Variants in FUT8 observed in about 807,000 individuals in gnomAD.
The protein encoded by FUT8 is fucosyltransferase 8, also known as alpha-(1,6)-fucosyltransferase.
FUT8 carries 29 observed loss-of-function variants against 71.3 expected under a neutral mutation model. The observed-to-expected ratio is 0.41, with a 90% CI of 0.30 to 0.55. The LOEUF is 0.55. Ranked by LOEUF, FUT8 falls within the 20% of genes least tolerant of loss-of-function variation. The pLI, the probability that FUT8 is intolerant of heterozygous loss-of-function variation, is 0.34. For synonymous variants in FUT8, 254 were observed against 239.3 expected, an observed-to-expected ratio of 1.06 and a Z score of -0.57; for missense variants, 544 against 702.1, an observed-to-expected ratio of 0.77 and a Z score of 2.55.
chr14:65,615,255 A>C (rs1316214005), intron 3 of FUT8, among the ~76,000 whole-genome samples: 23 of 151,986 alleles, frequency 1.5e-4, no homozygotes, highest in Admixed American at 1.5e-3. Context: ...GCAGGCACAC[A>C]CCACCATGTG....
intron 2 of FUT8, among the ~76,000 whole-genome samples, chr14:65,492,017 T>C (rs372340254): frequency 6.6e-6 from 1 of 152,158 alleles, no homozygotes; most frequent in East Asian, 1.9e-4. Context: ...ATTTTGCTTA[T>C]GAAGACATTA....
At chr14:65,536,540 T>C (rs1445307500) in intron 2 of FUT8, among the ~76,000 whole-genome samples, 1 of 152,190 alleles carries the variant, frequency 6.6e-6, no homozygotes, top group Non-Finnish European at 1.5e-5. Flanking sequence ...ATGAAGTTCT[T>C]GGTTGGAATA....
intron 3 of FUT8, among the ~76,000 whole-genome samples, chr14:65,581,583 A>G (rs780997369): frequency 2.0e-5 from 3 of 152,148 alleles, no homozygotes; most frequent in Non-Finnish European, 4.4e-5. Context: ...GAGCCTTGAA[A>G]GAAGAATGTA....
chr14:65,602,343 TCACACACACACACACACACA>T lies in FUT8; in HGVS notation c.204-13594_204-13575del, dbSNP rs1163052408. Among the ~76,000 whole-genome samples, 92 of 48,498 alleles carry T rather than the reference TCACACACACACACACACACA, an allele frequency of 1.9e-3. 1 individual carries two copies. The highest frequency in any genetic ancestry group is 8.1e-3 in the East Asian group (7 of 862). The allele number at this position is 48,498 out of a possible 152,430, so 31.8% of individuals were successfully genotyped here. A position where few individuals can be genotyped will look rare whatever the true frequency, so the allele number is the denominator to read the frequency against. On this transcript the variant is annotated intron_variant, in intron 3 of 10. Coordinates refer to ENST00000673929, the MANE Select transcript of FUT8 (RefSeq NM_001371533.1). ...TCATGGCCGAGTAGCGTTCCATCTC[TCACACACACACACACACACA>T]CACACACACACACACACACACACAC...
At chr14:65,475,564 C>A (rs1594674589) in intron 2 of FUT8, among the ~76,000 whole-genome samples, 1 of 151,994 alleles carries the variant, frequency 6.6e-6, no homozygotes, top group Admixed American at 6.6e-5. Flanking sequence ...CATAGTGAGA[C>A]CCTGTCTCTA....
chr14:65,679,129 C>A (rs1242619943), intron 7 of FUT8, among the ~76,000 whole-genome samples: 1 of 152,156 alleles, frequency 6.6e-6, no homozygotes, highest in Admixed American at 6.5e-5. Context: ...TTCTTTGCTG[C>A]CACTGCCCAT....
chr14:65,387,544 C>T, the FUT8 span, among the ~76,000 whole-genome samples: 1,285 of 152,290 alleles, frequency 8.4e-3, 17 homozygotes, highest in African/African-American at 0.03. Context: ...ATCTACCCTA[C>T]GAATTCAAAA....
chr14:65,670,753 T>A (rs928152972), intron 7 of FUT8, among the ~76,000 whole-genome samples: 2 of 152,184 alleles, frequency 1.3e-5, no homozygotes, highest in Non-Finnish European at 2.9e-5. Flanking sequence ...TCTGACTCTT[T>A]GCAGAAGTGT....
chr14:65,401,402 A>G, the FUT8 span, among the ~76,000 whole-genome samples: 8 of 152,246 alleles, frequency 5.3e-5, no homozygotes, highest in African/African-American at 1.9e-4. Flanking sequence ...AGTTTGGACC[A>G]AAGTAACACC....
intron 5 of FUT8, among the ~76,000 whole-genome samples, chr14:65,619,223 C>A (rs950998420): frequency 6.6e-6 from 1 of 152,330 alleles, no homozygotes; most frequent in East Asian, 1.9e-4. Flanking sequence ...TTGAGAACTA[C>A]AACTACAGAC....
chr14:65,723,396 T>TA (rs1002230673), intron 8 of FUT8, among the ~76,000 whole-genome samples: 2 of 152,156 alleles, frequency 1.3e-5, no homozygotes, highest in African/African-American at 4.8e-5. Context: ...GTCAGTGCCT[T>TA]ATTCAGTACA....
chr14:65,595,266 T>G (rs190148178), intron 3 of FUT8, among the ~76,000 whole-genome samples: 121 of 152,328 alleles, frequency 7.9e-4, no homozygotes, highest in Non-Finnish European at 1.4e-3. Context: ...TATGAGAGGA[T>G]GTAATAATCA....
intron 2 of FUT8, among the ~76,000 whole-genome samples, chr14:65,522,728 C>T (rs899785720): frequency 5.2e-5 from 7 of 135,476 alleles, no homozygotes; most frequent in Non-Finnish European, 1.1e-4. Flanking sequence ...CCCCCTCCCC[C>T]CACCCCGCAA....
chr14:65,392,224 G>A, the FUT8 span, among the ~76,000 whole-genome samples: 2 of 152,144 alleles, frequency 1.3e-5, no homozygotes, highest in Non-Finnish European at 2.9e-5. Context: ...GAGCCACCGC[G>A]CCCGGCTAAC....
intron 2 of FUT8, among the ~76,000 whole-genome samples, chr14:65,542,409 G>A (rs143067376): frequency 3.9e-4 from 60 of 152,228 alleles, no homozygotes; most frequent in African/African-American, 1.4e-3. Context: ...CATATTATGT[G>A]TATTTGTCTT....
rs1566769335 is a variant in FUT8, at chr14:65,472,899, A to G, written c.-228+17181A>G. Among the ~76,000 whole-genome samples, 1 of 152,190 alleles carries G rather than the reference A, an allele frequency of 6.6e-6. No homozygotes were observed. Among genetic ancestry groups the G allele is most frequent in the South Asian group, 2.1e-4 (1 of 4,832 alleles). On this transcript the variant is annotated intron_variant, in intron 2 of 10. Transcript: ENST00000673929. The surrounding 1 kb of genome is among the most constrained non-coding windows in gnomAD (Gnocchi z 4.4). ...GAAGTAGAAAAAGACATTGTTGTAAATTAAATGTAAGATATAATTTTATTT... is the reference window on the plus strand; with the variant it reads ...GAAGTAGAAAAAGACATTGTTGTAAGTTAAATGTAAGATATAATTTTATTT...
intron 7 of FUT8, among the ~76,000 whole-genome samples, chr14:65,716,323 ATTAT>A (rs943638455): frequency 3.4e-5 from 5 of 148,018 alleles, no homozygotes; most frequent in African/African-American, 1.2e-4. Flanking sequence ...TATATTTATA[ATTAT>A]TATATCTTCT....
intron 6 of FUT8, among the ~76,000 whole-genome samples, chr14:65,645,406 G>A (rs1891077210): frequency 6.6e-6 from 1 of 152,152 alleles, no homozygotes; most frequent in South Asian, 2.1e-4. Context: ...AATGTTTTCT[G>A]TAAAGAGAAT....
intron 10 of FUT8, among the ~76,000 whole-genome samples, chr14:65,738,612 A>G (rs148418253): frequency 6.6e-6 from 1 of 152,204 alleles, no homozygotes; most frequent in African/African-American, 2.4e-5. Context: ...CCACCTGTCA[A>G]GCATCAAACC....
Sources: allele counts gnomAD v4.1 joint callset (sites outside exome capture counted in the v4.1 genomes callset), GRCh38; gene constraint gnomAD v4.1.1; non-coding constraint Gnocchi (gnomAD v3.1); transcripts MANE v1.5; gene names NCBI Gene and HGNC (gene_info 2026-07-23, HGNC 2026-07-21).